REPS2: variants seen among roughly 807,000 people sequenced by gnomAD.
REPS2 encodes the protein ralBP1-associated Eps domain-containing protein 2.
In REPS2, 23 loss-of-function variants were observed where a neutral mutation model predicts 53.6. The ratio of observed to expected loss-of-function variants is 0.43; its 90% CI spans 0.31 to 0.61. The LOEUF (loss-of-function observed/expected upper bound fraction) is 0.61. REPS2 is among the 20% of genes least tolerant of loss of function. REPS2 has a pLI of 0.11. For missense variants in REPS2, 446 were observed against 534.9 expected (o/e 0.83, Z 1.64); for synonymous variants, 238 against 218.6 (o/e 1.09, Z -0.78).
intron 1 of REPS2, among the ~76,000 whole-genome samples, chrX:16,978,047 C>T (rs1302950212): frequency 1.8e-5 from 2 of 111,778 alleles, no homozygotes; most frequent in Non-Finnish European, 3.8e-5. Flanking sequence ...ATGGTGGTTC[C>T]TGGGTAGTTA....
rs756721318 is a variant in REPS2 at position 17,077,343 on chromosome X, A to G, written c.1452A>G (p.Pro484=). The G allele has an allele frequency of 4.1e-6, 5 of 1,208,897 alleles. No individual in the cohort carries two copies. Among genetic ancestry groups the G allele is most frequent in the Middle Eastern group, 2.3e-4 (1 of 4,367 alleles). Residue 484 remains proline, a synonymous_variant, in exon 13 of 18, where the codon CCA becomes CCG. Transcript: ENST00000357277. ...GEDPPTPPPR[P]QKTHSRASSL... ...ACCCTCCCACCCCGCCACCTCGGCCACAGAAAACCCATTCCAGAGCCTCCT... is the reference window on the plus strand; with the variant it reads ...ACCCTCCCACCCCGCCACCTCGGCCGCAGAAAACCCATTCCAGAGCCTCCT...
chrX:16,958,930 A>C (rs1049584740), intron 1 of REPS2, among the ~76,000 whole-genome samples: 1 of 111,867 alleles, frequency 8.9e-6, no homozygotes, highest in African/African-American at 3.3e-5. Flanking sequence ...AGGAGCAATG[A>C]AAGTCTTTTT....
chrX:16,977,466 G>C (rs763909141), intron 1 of REPS2, among the ~76,000 whole-genome samples: 1 of 110,779 alleles, frequency 9.0e-6, no homozygotes, highest in African/African-American at 3.3e-5. Flanking sequence ...TGTAATCCCA[G>C]CACTTTGGGA....
chrX:17,060,602 C>A (rs374736244), intron 8 of REPS2, among the ~76,000 whole-genome samples: 35 of 110,217 alleles, frequency 3.2e-4, no homozygotes, highest in African/African-American at 1.1e-3. Flanking sequence ...GAAGGCTGAG[C>A]TAAGGACTAC....
At chrX:17,103,485 T>C (rs1261013783) in intron 13 of REPS2, among the ~76,000 whole-genome samples, 2 of 112,073 alleles carry the variant, frequency 1.8e-5, no homozygotes, top group Non-Finnish European at 3.8e-5. Flanking sequence ...ACCATTTTAT[T>C]ATGTCGTCTT....
Position 17,095,653 on chromosome X carries a change from A to G in REPS2, c.1517-8065A>G, listed in dbSNP as rs142790100. Among the ~76,000 whole-genome samples the G allele has an allele frequency of 5.0e-3, 558 of 110,882 alleles. 5 individuals are homozygous for G. Among genetic ancestry groups the G allele is most frequent in the African/African-American group, 0.017 (511 of 30,467 alleles). On this transcript the variant is annotated intron_variant, in intron 13 of 17. Coordinates refer to ENST00000357277, the MANE Select transcript of REPS2 (RefSeq NM_004726.3). ...GACAGATATAAGGCATAGCTACTAC[A>G]GCAGAGGGGACTGTAAGAGTAGGGC...
chrX:17,044,993 G>T (rs1020685061), intron 5 of REPS2, among the ~76,000 whole-genome samples: 1 of 111,588 alleles, frequency 9.0e-6, no homozygotes, highest in Non-Finnish European at 1.9e-5. Flanking sequence ...GCAATGGCGC[G>T]ATCTCGGCTC....
At chrX:17,111,642 A>G (rs1376637287) in intron 14 of REPS2, among the ~76,000 whole-genome samples, 1 of 111,969 alleles carries the variant, frequency 8.9e-6, no homozygotes, top group Non-Finnish European at 1.9e-5. Context: ...AAGCTGTACC[A>G]CACTGTGCTG....
chrX:17,012,958 C>T lies in REPS2; in HGVS notation c.397+6614C>T, dbSNP rs901304084. ...CAAATTTGTGAGCCACTGTTGTGGTCACGATTCTACTGCCAAGAAGATACT... is the reference window on the plus strand; with the variant it reads ...CAAATTTGTGAGCCACTGTTGTGGTTACGATTCTACTGCCAAGAAGATACT... On this transcript the variant is annotated intron_variant, in intron 2 of 17. Coordinates refer to ENST00000357277, the MANE Select transcript of REPS2 (RefSeq NM_004726.3). Among the ~76,000 whole-genome samples, 3 of 112,071 alleles carry T rather than the reference C, an allele frequency of 2.7e-5. No individual in the cohort carries two copies. In the East Asian group the frequency reaches 8.4e-4, roughly 31 times the overall value.
At chrX:17,018,022 TTG>T (rs2061521087) in intron 2 of REPS2, among the ~76,000 whole-genome samples, 3 of 112,771 alleles carry the variant, frequency 2.7e-5, no homozygotes, top group Admixed American at 1.9e-4. Flanking sequence ...AAATTTTTAA[TTG>T]TGATAAAATA....
chrX:17,100,204 G>C (rs2062767622), intron 13 of REPS2: 2 of 598,816 alleles, frequency 3.3e-6, no homozygotes, highest in Admixed American at 4.6e-5. Context: ...ACTTTAGGAG[G>C]TACTCCACTT....
intron 10 of REPS2, among the ~76,000 whole-genome samples, chrX:17,068,873 A>T (rs1416192331): frequency 8.9e-6 from 1 of 112,692 alleles, no homozygotes; most frequent in African/African-American, 3.2e-5. Context: ...TTCTGGACAC[A>T]GCTTCTGTCC....
chrX:17,060,984 G>A (rs2062151103), intron 8 of REPS2, among the ~76,000 whole-genome samples: 1 of 110,881 alleles, frequency 9.0e-6, no homozygotes, highest in Admixed American at 9.6e-5. Flanking sequence ...ACAGTGATAT[G>A]GAGAGATGTG....
At chrX:17,136,872 C>T (rs2063375409) in intron 16 of REPS2, 1 of 112,298 alleles carries the variant, frequency 8.9e-6, no homozygotes, top group African/African-American at 3.2e-5. Context: ...CTTGTCATTT[C>T]ACATAAATGG....
In REPS2 at chrX:17,152,878, T is replaced by C; in HGVS notation, c.*5397T>C. On this transcript the variant is annotated 3_prime_UTR_variant, in exon 18 of 18. Coordinates refer to ENST00000357277, the MANE Select transcript of REPS2 (RefSeq NM_004726.3). ...CATTTTAGTCTTCATAGCTATTGGC[T>C]AAGAGAGATAATGAGCTGATGGTCT... is the stretch of plus-strand genomic sequence containing the variant. 1 of 113,001 alleles carries C rather than the reference T, an allele frequency of 8.8e-6. No homozygotes were observed. Among genetic ancestry groups the C allele is most frequent in the South Asian group, 3.7e-4 (1 of 2,730 alleles). 9.3% of individuals were successfully genotyped at this position (113,001 alleles called of 1,213,427 possible).
chrX:17,020,486 T>G (rs2061558631), intron 2 of REPS2, among the ~76,000 whole-genome samples: 1 of 111,867 alleles, frequency 8.9e-6, no homozygotes, highest in Non-Finnish European at 1.9e-5. Context: ...TTCTTTTCTC[T>G]TGCTTTTTTG....
the REPS2 span, among the ~76,000 whole-genome samples, chrX:17,189,379 G>T: frequency 0.036 from 3,848 of 108,268 alleles, 78 homozygotes; most frequent in Non-Finnish European, 0.057. Flanking sequence ...TCCGCCTCCC[G>T]GGTTCAAGCA....
intron 1 of REPS2, among the ~76,000 whole-genome samples, chrX:16,996,937 C>A (rs1006477404): frequency 2.7e-5 from 3 of 112,411 alleles, no homozygotes; most frequent in African/African-American, 9.7e-5. Flanking sequence ...AGACTGAAAT[C>A]AACAAACTTA....
downstream of REPS2, among the ~76,000 whole-genome samples, chrX:17,156,409 C>CATATAT (rs765156297): frequency 1.8e-3 from 186 of 105,297 alleles, 1 homozygote; most frequent in African/African-American, 6.2e-3. Flanking sequence ...ATATGTAATA[C>CATATAT]ATATATATAT....
Sources: gnomAD v4.1 joint callset for allele counts (sites outside exome capture counted in the v4.1 genomes callset) on GRCh38, gnomAD v4.1.1 for gene constraint, MANE v1.5 for transcripts, NCBI Gene and HGNC (gene_info 2026-07-23, HGNC 2026-07-21) for gene names.